Variants in ESR1 observed in about 807,000 individuals in gnomAD.
ESR1 encodes the protein estrogen receptor.
Under a neutral mutation model 52.7 loss-of-function variants are expected in ESR1, and 12 were observed. That is an observed-to-expected ratio of 0.23 (90% CI 0.15 to 0.37). The LOEUF (loss-of-function observed/expected upper bound fraction) is 0.37, where lower values mean the gene tolerates loss of function less well. Ranked by LOEUF, ESR1 falls within the 10% of genes least tolerant of loss-of-function variation. The probability of loss-of-function intolerance (pLI) is 1.00; values close to 1 mark genes in which losing one functional copy is unlikely to be tolerated. For missense variants in ESR1, 584 were observed against 779.7 expected (o/e 0.75, Z 2.99); for synonymous variants, 305 against 316.8 (o/e 0.96, Z 0.39).
At chr6:152,063,643 T>C (rs1232918936) in intron 6 of ESR1, among the ~76,000 whole-genome samples, 1 of 152,190 alleles carries the variant, frequency 6.6e-6, no homozygotes, top group African/African-American at 2.4e-5. Flanking sequence ...ACTGGAGATA[T>C]GGATTTTTCT....
intron 6 of ESR1, among the ~76,000 whole-genome samples, chr6:152,067,895 T>C (rs2048090893): frequency 1.3e-5 from 2 of 152,246 alleles, no homozygotes; most frequent in African/African-American, 4.8e-5. Context: ...AAAATGTTCT[T>C]AGTATGCCAA....
chr6:152,012,324 T>A (rs73629919), intron 5 of ESR1, among the ~76,000 whole-genome samples: 3,756 of 151,718 alleles, frequency 0.025, 138 homozygotes, highest in African/African-American at 0.083. Flanking sequence ...CATTCTGGGG[T>A]TGCCTTGGAA....
intron 1 of ESR1, among the ~76,000 whole-genome samples, chr6:151,693,696 C>T (rs558746029): frequency 6.6e-6 from 1 of 152,314 alleles, no homozygotes; most frequent in African/African-American, 2.4e-5. Context: ...CAGCTCACTG[C>T]AACCTCCGCC....
chr6:152,010,459 A>G (rs2042674261), intron 4 of ESR1, among the ~76,000 whole-genome samples: 2 of 152,078 alleles, frequency 1.3e-5, no homozygotes, highest in South Asian at 4.1e-4. Context: ...GAGGGAAGGA[A>G]AGGTTGAGGG....
chr6:151,969,274 A>T (rs973114600), intron 4 of ESR1, among the ~76,000 whole-genome samples: 1 of 152,134 alleles, frequency 6.6e-6, no homozygotes, highest in Non-Finnish European at 1.5e-5. Context: ...ATTTATGTAG[A>T]TTTATGAACT....
intron 6 of ESR1, among the ~76,000 whole-genome samples, chr6:152,117,980 C>T (rs1460065415): frequency 6.6e-6 from 1 of 152,182 alleles, no homozygotes; most frequent in Non-Finnish European, 1.5e-5. Context: ...CAGAAAAACA[C>T]CTGTTTCCTG....
chr6:151,930,164 G>A (rs1489923038), intron 3 of ESR1, among the ~76,000 whole-genome samples: 1 of 151,758 alleles, frequency 6.6e-6, no homozygotes, highest in Non-Finnish European at 1.5e-5. Context: ...TGTATTTTTA[G>A]TAGAGACGGA....
intron 5 of ESR1, among the ~76,000 whole-genome samples, chr6:152,019,560 C>T (rs2043450202): frequency 6.6e-6 from 1 of 152,152 alleles, no homozygotes; most frequent in African/African-American, 2.4e-5. Flanking sequence ...AGTATTAATG[C>T]TGTGTAGGAG....
intron 5 of ESR1, among the ~76,000 whole-genome samples, chr6:152,022,521 T>C (rs1050864055): frequency 6.6e-6 from 1 of 152,058 alleles, no homozygotes; most frequent in Admixed American, 6.5e-5. Context: ...GACAAGATAA[T>C]AGAGAAAAGG....
chr6:151,916,358 T>C (rs9340885), intron 3 of ESR1, among the ~76,000 whole-genome samples: 2 of 152,222 alleles, frequency 1.3e-5, no homozygotes, highest in African/African-American at 4.8e-5. Flanking sequence ...ACATGAAACA[T>C]TCATCGATTA....
At chr6:152,010,516 C>A (rs976080248) in intron 4 of ESR1, among the ~76,000 whole-genome samples, 1 of 151,902 alleles carries the variant, frequency 6.6e-6, no homozygotes, top group African/African-American at 2.4e-5. Flanking sequence ...TATCTTAGGG[C>A]AAAAGAATAG....
At chr6:151,957,606 C>T (rs3020317) in intron 4 of ESR1, among the ~76,000 whole-genome samples, 115,813 of 151,958 alleles carry the variant, frequency 0.76, 44,471 homozygotes, top group Middle Eastern at 0.85. Context: ...GGAGTTAATA[C>T]TAACTAGTGA....
intron 4 of ESR1, among the ~76,000 whole-genome samples, chr6:151,995,265 G>A (rs1011922574): frequency 5.3e-5 from 8 of 152,146 alleles, no homozygotes; most frequent in African/African-American, 1.9e-4. Context: ...TTGCCTGCTT[G>A]TTTGCCTTTC....
At position 152,102,434 on chromosome 6, in the gene ESR1, T is replaced by TA. The variant is rs1319052614; in HGVS notation, c.*3469dup. On this transcript the variant is annotated 3_prime_UTR_variant, in exon 8 of 8. Coordinates refer to ENST00000206249, the MANE Select transcript of ESR1 (RefSeq NM_000125.4). Reference sequence around the variant, plus strand: ...GGCAGATCTGCTTGGGGAAGCTAGTTATGTGAAAGGCAAATAGAGTCATAC... The same window carrying TA: ...GGCAGATCTGCTTGGGGAAGCTAGTTAATGTGAAAGGCAAATAGAGTCATAC... 4.8e-6 allele frequency: 1 copy of TA among 208,018 alleles called. No individual in the cohort carries two copies. Among genetic ancestry groups the TA allele is most frequent in the Non-Finnish European group, 9.8e-6 (1 of 102,150 alleles). 12.9% of individuals were successfully genotyped at this position (208,018 alleles called of 1,614,324 possible).
At chr6:151,693,027 T>C (rs1779065192) in intron 1 of ESR1, among the ~76,000 whole-genome samples, 1 of 152,196 alleles carries the variant, frequency 6.6e-6, no homozygotes, top group Non-Finnish European at 1.5e-5. Context: ...CCCACCACTC[T>C]CTAGCTGTGC....
chr6:151,686,588 T>G (rs1236668435), upstream of ESR1, among the ~76,000 whole-genome samples: 1 of 152,128 alleles, frequency 6.6e-6, no homozygotes, highest in Non-Finnish European at 1.5e-5. Flanking sequence ...CTCAGAAGGC[T>G]GAGGCAGGAG....
intron 5 of ESR1, among the ~76,000 whole-genome samples, chr6:152,060,174 A>T (rs2047437575): frequency 6.6e-6 from 1 of 152,216 alleles, no homozygotes; most frequent in South Asian, 2.1e-4. Flanking sequence ...ACTACATGTT[A>T]TGCACCTTTG....
chr6:152,046,614 A>G (rs574290348), intron 5 of ESR1, among the ~76,000 whole-genome samples: 54 of 152,344 alleles, frequency 3.5e-4, no homozygotes, highest in African/African-American at 1.2e-3. Flanking sequence ...TCCATAGTAA[A>G]AGAAGACAAA....
intron 3 of ESR1, among the ~76,000 whole-genome samples, chr6:151,922,436 T>A (rs2128465092): frequency 6.6e-6 from 1 of 152,350 alleles, no homozygotes; most frequent in East Asian, 1.9e-4. Flanking sequence ...CATTAATTTA[T>A]TTAGTCAACA....
Sources: gnomAD v4.1 joint callset for allele counts (sites outside exome capture counted in the v4.1 genomes callset) on GRCh38, gnomAD v4.1.1 for gene constraint, MANE v1.5 for transcripts, NCBI Gene and HGNC (gene_info 2026-07-23, HGNC 2026-07-21) for gene names.